Variants in ANO6 observed in about 807,000 individuals in gnomAD.
ANO6 encodes the protein anoctamin-6.
In ANO6, 106 loss-of-function variants were observed where a neutral mutation model predicts 117.5. The ratio of observed to expected loss-of-function variants is 0.90; its 90% CI spans 0.77 to 1.06. The LOEUF is 1.06. ANO6 is among the 50% of genes least tolerant of loss of function. The pLI, the probability that ANO6 is intolerant of heterozygous loss-of-function variation, is 0.00. For missense variants in ANO6, 955 were observed against 1,121.1 expected (o/e 0.85, Z 2.12); for synonymous variants, 367 against 385.1 (o/e 0.95, Z 0.55).
chr12:45,230,365 A>G (rs1947556515), intron 1 of ANO6, among the ~76,000 whole-genome samples: 1 of 151,658 alleles, frequency 6.6e-6, no homozygotes. Context: ...TATCAGAAAA[A>G]TGTAGGGATA....
intron 11 of ANO6, among the ~76,000 whole-genome samples, 166 bp downstream of exon 11, chr12:45,388,469 G>GT (rs1299020433): frequency 2.6e-5 from 4 of 151,888 alleles, no homozygotes; most frequent in African/African-American, 7.3e-5. Flanking sequence ...GAGCACAGGG[G>GT]TTTTTTTTAA....
At chr12:45,322,490 C>G (rs988542750) in intron 2 of ANO6, among the ~76,000 whole-genome samples, 1 of 152,142 alleles carries the variant, frequency 6.6e-6, no homozygotes, top group African/African-American at 2.4e-5. Context: ...GTTTGGACTT[C>G]CTCTAGAGGT....
chr12:45,426,217 G>C (rs11183028), intron 19 of ANO6, among the ~76,000 whole-genome samples: 27,820 of 152,136 alleles, frequency 0.18, 3,861 homozygotes, highest in East Asian at 0.45. Flanking sequence ...CAGGCTTTAA[G>C]CTGGAAATGC....
At position 45,265,506 on chromosome 12, in the gene ANO6, C is replaced by A. The variant is rs570385468; in HGVS notation, c.71-36508C>A. On this transcript the variant is annotated intron_variant, in intron 1 of 19. Transcript: ENST00000320560. ...TATGTCTTGAGTGCTTACTGTCAGA[C>A]CTCGTGTTATGTACCTTACCATCCT... Among the ~76,000 whole-genome samples the A allele has an allele frequency of 7.9e-5, 12 of 152,216 alleles. No homozygotes were observed. In the South Asian group the frequency reaches 2.1e-3, roughly 26 times the overall value.
chr12:45,241,018 A>G (rs1167949231), intron 1 of ANO6, among the ~76,000 whole-genome samples: 1 of 152,054 alleles, frequency 6.6e-6, no homozygotes, highest in Non-Finnish European at 1.5e-5. Context: ...GAATCTGACA[A>G]TTATGTGTCT....
chr12:45,399,309 T>C (rs1352379600), intron 12 of ANO6, among the ~76,000 whole-genome samples: 2 of 152,076 alleles, frequency 1.3e-5, no homozygotes, highest in Admixed American at 6.6e-5. Flanking sequence ...GATTCTCCTG[T>C]CTCAGCCTCC....
At chr12:45,239,060 TGAGTTAGG>T (rs1947695054) in intron 1 of ANO6, among the ~76,000 whole-genome samples, 1 of 152,230 alleles carries the variant, frequency 6.6e-6, no homozygotes, top group African/African-American at 2.4e-5. Context: ...CCTCATAAAA[TGAGTTAGG>T]GAGGATTCCC....
chr12:45,425,525 G>A (rs185084531), intron 19 of ANO6, among the ~76,000 whole-genome samples: 217 of 152,314 alleles, frequency 1.4e-3, no homozygotes, highest in African/African-American at 4.6e-3. Context: ...AAACTAAGGC[G>A]AGAATGGGAG....
At chr12:45,226,255 C>T (rs1037216055) in intron 1 of ANO6, among the ~76,000 whole-genome samples, 48 of 152,140 alleles carry the variant, frequency 3.2e-4, no homozygotes, top group African/African-American at 1.1e-3. Flanking sequence ...TGTTTGAATA[C>T]TAATTGAAAG....
At position 45,431,891 on chromosome 12, in the gene ANO6, A is replaced by C; in HGVS notation, c.*2580A>C. The C allele has an allele frequency of 4.1e-6, 4 of 985,432 alleles. No individual in the cohort carries two copies. The highest frequency in any genetic ancestry group is 4.8e-6 in the Non-Finnish European group (4 of 829,934). 61.0% of individuals were successfully genotyped at this position (985,432 alleles called of 1,614,324 possible). A position where few individuals can be genotyped will look rare whatever the true frequency, so the allele number is the denominator to read the frequency against. On this transcript the variant is annotated 3_prime_UTR_variant, in exon 20 of 20. Coordinates refer to ENST00000320560, the MANE Select transcript of ANO6 (RefSeq NM_001025356.3). The stretch of plus-strand genomic sequence containing the variant: ...ATGCCTGTGAATTTTAGCATATTGA[A>C]ACATTAGAGCAAATACTCAGGGGAT...
chr12:45,340,296 T>A (rs958491251), intron 3 of ANO6, among the ~76,000 whole-genome samples: 4 of 152,114 alleles, frequency 2.6e-5, no homozygotes, highest in Admixed American at 2.6e-4. Flanking sequence ...CTTTTGTCCT[T>A]TTTCACCTTG....
chr12:45,326,506 C>T (rs1157049692), intron 2 of ANO6, among the ~76,000 whole-genome samples: 5 of 152,116 alleles, frequency 3.3e-5, no homozygotes, highest in African/African-American at 9.7e-5. Context: ...AATGGAAAGT[C>T]GGTCAACAGG....
intron 19 of ANO6, among the ~76,000 whole-genome samples, chr12:45,438,246 CGTGTATGTGTGT>C (rs1459004940): frequency 8.0e-6 from 1 of 125,258 alleles, no homozygotes; most frequent in African/African-American, 2.7e-5. Context: ...CACATATTTG[CGTGTATGTGTGT>C]GTGTGTGTGT....
chr12:45,432,424 T>C (rs1943656000), downstream of ANO6: 1 of 495,112 alleles, frequency 2.0e-6, no homozygotes. Context: ...TAGTGGCCAG[T>C]TGTGTATCAC....
At position 45,348,306 on chromosome 12, in the gene ANO6, A is replaced by C. The variant is rs773137577; in HGVS notation, c.624A>C (p.Arg208Ser). 6.2e-7 allele frequency: 1 copy of C among 1,614,070 alleles called. No individual in the cohort carries two copies. Among genetic ancestry groups the C allele is most frequent in the Non-Finnish European group, 8.5e-7 (1 of 1,179,968 alleles). ...ATGCTTTCTTCAATCCAGCCACCAG[A>C]AGCCGCATTGTAAGTCTAAACCAAA... ...DRDAFFNPAT[R>S]SRIVYFILSR... is the part of the protein sequence containing the mutation. The change falls in exon 5 of 20, where the codon AGA (arginine) becomes AGC (serine). Residue 208 changes from arginine to serine, a missense_variant. Arg to Ser is a moderately radical substitution (Grantham distance 110). Transcript: ENST00000320560.
chr12:45,259,108 G>T (rs1339495523), intron 1 of ANO6, among the ~76,000 whole-genome samples: 1 of 152,168 alleles, frequency 6.6e-6, no homozygotes, highest in Non-Finnish European at 1.5e-5. Flanking sequence ...AGAGAACATG[G>T]GGACAAGTGT....
chr12:45,364,000 A>T (rs1470094793), intron 8 of ANO6, among the ~76,000 whole-genome samples: 2 of 152,280 alleles, frequency 1.3e-5, no homozygotes, highest in African/African-American at 4.8e-5. Context: ...CCAACAACAG[A>T]TTCTTTCAGA....
chr12:45,419,183 A>G (rs1193719835), intron 17 of ANO6, among the ~76,000 whole-genome samples: 1 of 152,222 alleles, frequency 6.6e-6, no homozygotes, highest in Admixed American at 6.5e-5. Context: ...TTTTTATATA[A>G]ATGGAAAACT....
intron 7 of ANO6, 150 bp from the exon 8 acceptor site, chr12:45,357,140 G>C: frequency 1.2e-6 from 1 of 811,258 alleles, no homozygotes; most frequent in East Asian, 2.6e-5. Flanking sequence ...TAGAATTCAG[G>C]GTCTGCTGTG....
Sources: allele counts gnomAD v4.1 joint callset (sites outside exome capture counted in the v4.1 genomes callset), GRCh38; gene constraint gnomAD v4.1.1; transcripts MANE v1.5; gene names NCBI Gene and HGNC (gene_info 2026-07-23, HGNC 2026-07-21).